ANKFY1: variants seen among roughly 807,000 people sequenced by gnomAD.
ANKFY1 encodes the protein ankyrin repeat and FYVE domain containing 1.
In ANKFY1, 47 loss-of-function variants were observed where a neutral mutation model predicts 128.3. The observed-to-expected ratio is 0.37, with a 90% CI of 0.29 to 0.47. The LOEUF is 0.47. ANKFY1 is among the 20% of genes least tolerant of loss of function. The pLI is 1.00. For missense variants in ANKFY1, 1,222 were observed against 1,510.6 expected, an observed-to-expected ratio of 0.81 and a Z score of 3.17; for synonymous variants, 553 against 601.6, an observed-to-expected ratio of 0.92 and a Z score of 1.18.
At position 4,164,887 on chromosome 17, in the gene ANKFY1, G is replaced by C. The variant is rs549257974; in HGVS notation, c.*2892C>G. 6.5e-6 allele frequency: 1 copy of C among 152,752 alleles called. No individual in the cohort carries two copies. Among genetic ancestry groups the C allele is most frequent in the Admixed American group, 6.5e-5 (1 of 15,298 alleles). The allele number at this position is 152,752 out of a possible 1,614,324, so 9.5% of individuals were successfully genotyped here. A position where few individuals can be genotyped will look rare whatever the true frequency, so the allele number is the denominator to read the frequency against. ...GGGGCTCTGAGGTAGAGGACTAAAG[G>C]TCACGTAGACCCCACTCCTTGGAGA... On this transcript the variant is annotated 3_prime_UTR_variant, in exon 25 of 25. Coordinates refer to ENST00000341657, the MANE Select transcript of ANKFY1 (RefSeq NM_001330063.2).
intron 3 of ANKFY1, chr17:4,223,770 A>T (rs1433505254): frequency 6.4e-7 from 1 of 1,550,746 alleles, no homozygotes; most frequent in East Asian, 2.3e-5. Context: ...GAGAGGCCCA[A>T]GTTTCAGCAG....
rs1333895359 is a variant in ANKFY1 at position 4,178,885 on chromosome 17, A to C, written c.2570T>G (p.Leu857Arg). Residue 857 changes from leucine to arginine, a missense_variant, in exon 18 of 25, where the codon CTC (leucine) becomes CGC (arginine). Physicochemically the swap from Leu to Arg is moderately radical, Grantham distance 102. Coordinates refer to ENST00000341657, the MANE Select transcript of ANKFY1 (RefSeq NM_001330063.2). This position sits in a 1 kb window ranked among gnomAD's most constrained non-coding sequence, Gnocchi z 4.1. ...FKNNKSAEAI[L>R]KRESGAAEQV... is the part of the protein sequence containing the mutation. ...CTCAGCAGCCCCGGACTCTCGTTTG[A>C]GAATGGCCTCGGCTGACTTGTTGTT... The C allele has an allele frequency of 1.9e-6, 3 of 1,614,118 alleles. No homozygotes were observed. Among genetic ancestry groups the C allele is most frequent in the Middle Eastern group, 1.6e-4 (1 of 6,084 alleles).
chr17:4,243,327 A>G (rs903688451), intron 1 of ANKFY1, among the ~76,000 whole-genome samples: 3 of 151,770 alleles, frequency 2.0e-5, no homozygotes, highest in Non-Finnish European at 4.4e-5. Context: ...CGGCCTCCCA[A>G]AGTGTCGGGA....
At chr17:4,206,514 C>A (rs1426830270) in intron 6 of ANKFY1, 28 bp from the exon 7 acceptor site, 9 of 1,600,040 alleles carry the variant, frequency 5.6e-6, no homozygotes, top group Non-Finnish European at 7.7e-6. Context: ...TAAATTAGCG[C>A]CCAGTGAGTA....
intron 1 of ANKFY1, among the ~76,000 whole-genome samples, chr17:4,252,339 GGAGAACAGCTTGAAGCTAGGAGTTT>G (rs2143501492): frequency 1.3e-5 from 2 of 152,308 alleles, no homozygotes; most frequent in African/African-American, 4.8e-5. Flanking sequence ...GGCTGAGGCG[GGAGAACAGCTTGAAGCTAGGAGTTT>G]GAGAACAGCT....
intron 1 of ANKFY1, among the ~76,000 whole-genome samples, chr17:4,246,406 A>AT (rs1967542672): frequency 6.6e-6 from 1 of 152,216 alleles, no homozygotes; most frequent in Non-Finnish European, 1.5e-5. Context: ...TACGAGAAAT[A>AT]CAAATAATTA....
At chr17:4,196,406 T>C (rs2059826213) in intron 8 of ANKFY1, among the ~76,000 whole-genome samples, 1 of 151,982 alleles carries the variant, frequency 6.6e-6, no homozygotes, top group Admixed American at 6.6e-5. Flanking sequence ...TTCAAAGGTA[T>C]AAAATACTGA....
At chr17:4,214,315 G>A (rs936536102) in intron 4 of ANKFY1, among the ~76,000 whole-genome samples, 1 of 152,120 alleles carries the variant, frequency 6.6e-6, no homozygotes, top group Non-Finnish European at 1.5e-5. Context: ...AGTGCCATTT[G>A]CCATTTGGAT....
In ANKFY1 at chr17:4,203,157, G is replaced by A. The variant is rs756066712; in HGVS notation, c.898+3164C>T. 1.1e-4 allele frequency among the ~76,000 whole-genome samples: 16 copies of A among 152,062 alleles called. No individual in the cohort carries two copies. In the East Asian group the frequency reaches 1.3e-3, roughly 13 times the overall value. ...GGGAACAGAAAATGTCACAATCACCGTTTATAAGGTTTCTGTCAATAAGAA... is the reference window on the plus strand; with the variant it reads ...GGGAACAGAAAATGTCACAATCACCATTTATAAGGTTTCTGTCAATAAGAA... On this transcript the variant is annotated intron_variant, in intron 7 of 24. Coordinates refer to ENST00000341657, the MANE Select transcript of ANKFY1 (RefSeq NM_001330063.2).
intron 14 of ANKFY1, 102 bp downstream of exon 14, chr17:4,183,296 A>AG: frequency 1.4e-6 from 2 of 1,403,866 alleles, no homozygotes; most frequent in Non-Finnish European, 2.0e-6. Context: ...CTTTCCTCTA[A>AG]CTAATATGAA....
intron 13 of ANKFY1, 84 bp from the exon 14 acceptor site, chr17:4,183,635 T>C: frequency 6.4e-7 from 1 of 1,554,120 alleles, no homozygotes; most frequent in South Asian, 1.1e-5. Flanking sequence ...CCCTCTCAGC[T>C]TCTCAAAGCC....
rs1394131793 is a variant in ANKFY1 at position 4,181,248 on chromosome 17, T to A, written c.2240+6A>T. The A allele has an allele frequency of 6.2e-7, 1 of 1,612,068 alleles. No individual in the cohort carries two copies. Among genetic ancestry groups the A allele is most frequent in the South Asian group, 1.1e-5 (1 of 91,032 alleles). On this transcript the variant is annotated splice_donor_region_variant and intron_variant, in intron 16 of 24. Coordinates refer to ENST00000341657, the MANE Select transcript of ANKFY1 (RefSeq NM_001330063.2). The surrounding 1 kb of genome is among the most constrained non-coding windows in gnomAD (Gnocchi z 4.9). ...AGCTGTGGAGAGATACTGGGGACTC[T>A]CAGACCTGCGAATAAGAAAGCAGGC...
At chr17:4,239,825 G>A (rs556301553) in intron 2 of ANKFY1, among the ~76,000 whole-genome samples, 12 of 151,832 alleles carry the variant, frequency 7.9e-5, no homozygotes, top group East Asian at 2.0e-4. Flanking sequence ...AGGTGTGAGC[G>A]ATCTATTTAA....
chr17:4,174,935 C>A (rs1181159881), intron 19 of ANKFY1, among the ~76,000 whole-genome samples: 3 of 151,744 alleles, frequency 2.0e-5, no homozygotes, highest in Non-Finnish European at 2.9e-5. Context: ...TGCTATGTTG[C>A]CCAGACTGGT....
At chr17:4,239,422 T>C (rs753031535) in intron 2 of ANKFY1, among the ~76,000 whole-genome samples, 7 of 152,236 alleles carry the variant, frequency 4.6e-5, no homozygotes, top group Non-Finnish European at 1.0e-4. Context: ...TATGGAACTA[T>C]CCTTTACTCA....
chr17:4,261,140 G>A (rs767356108), intron 1 of ANKFY1, among the ~76,000 whole-genome samples: 2 of 152,134 alleles, frequency 1.3e-5, no homozygotes, highest in Non-Finnish European at 2.9e-5. Flanking sequence ...CTGCAACATC[G>A]TTTCTAAAAA....
chr17:4,173,005 C>T lies in ANKFY1; in HGVS notation c.3015-325G>A, dbSNP rs150156121. On this transcript the variant is annotated intron_variant, in intron 21 of 24. Coordinates refer to ENST00000341657, the MANE Select transcript of ANKFY1 (RefSeq NM_001330063.2). ...CTGAGTATCTGGGACTACAGGCGCC[C>T]GCCACCACGCCCAGATAATTTTTTG... is the stretch of plus-strand genomic sequence containing the variant. Among the ~76,000 whole-genome samples, 387 of 152,294 alleles carry T rather than the reference C, an allele frequency of 2.5e-3. 6 individuals carry two copies. Among genetic ancestry groups the T allele is most frequent in the Admixed American group, 0.021 (328 of 15,300 alleles).
At chr17:4,263,801 G>A (rs926254694) in intron 1 of ANKFY1, 131 bp downstream of exon 1, 1 of 1,603,746 alleles carries the variant, frequency 6.2e-7, no homozygotes, top group African/African-American at 1.3e-5. Flanking sequence ...AGGCTAGACA[G>A]GAAGGCTCGC....
rs118146207 is a variant in ANKFY1 at position 4,177,452 on chromosome 17, G to A, written c.2599-150C>T. The A allele has an allele frequency of 7.9e-5, 52 of 659,102 alleles. 1 individual carries two copies. The highest frequency in any genetic ancestry group is 5.6e-4 in the East Asian group (18 of 32,300). The allele number at this position is 659,102 out of a possible 1,614,324, so 40.8% of individuals were successfully genotyped here. ...CCCCTCCCAAGAATGAACATGAAACGCCATCCCCCAACCCACCCACAGACC... is the reference window on the plus strand; with the variant it reads ...CCCCTCCCAAGAATGAACATGAAACACCATCCCCCAACCCACCCACAGACC... On this transcript the variant is annotated intron_variant, in intron 18 of 24. Transcript: ENST00000341657.
Sources: gnomAD v4.1 joint callset for allele counts (sites outside exome capture counted in the v4.1 genomes callset) on GRCh38, gnomAD v4.1.1 for gene constraint, Gnocchi (gnomAD v3.1) non-coding constraint, MANE v1.5 for transcripts, NCBI Gene and HGNC (gene_info 2026-07-23, HGNC 2026-07-21) for gene names.